The following BABAM2 variants were observed in gnomAD, a reference collection of about 807,000 sequenced individuals.
BABAM2 encodes BRISC and BRCA1-A complex member 2.
In BABAM2, 31 loss-of-function variants were observed where a neutral mutation model predicts 54.7. The ratio of observed to expected loss-of-function variants is 0.57; its 90% CI spans 0.43 to 0.77. BABAM2 has a LOEUF of 0.77. Among genes scored for constraint, BABAM2 ranks in the 30% least tolerant of loss-of-function variants. BABAM2 has a pLI of 0.00. For synonymous variants in BABAM2, 167 were observed against 162.9 expected, an observed-to-expected ratio of 1.03 and a Z score of -0.19; for missense variants, 364 against 455.8, an observed-to-expected ratio of 0.80 and a Z score of 1.83.
At chr2:28,260,314 T>C (rs1435874861) in intron 10 of BABAM2, among the ~76,000 whole-genome samples, 1 of 148,160 alleles carries the variant, frequency 6.7e-6, no homozygotes, top group African/African-American at 2.5e-5. Flanking sequence ...TTTTTTTTTT[T>C]TTTTTGACAT....
intron 7 of BABAM2, among the ~76,000 whole-genome samples, chr2:28,192,179 C>T (rs1201378789): frequency 2.0e-5 from 3 of 152,186 alleles, no homozygotes; most frequent in South Asian, 2.1e-4. Flanking sequence ...GGACCACAGG[C>T]GCCCGCCACC....
chr2:28,231,784 T>C (rs1305367885), intron 7 of BABAM2, among the ~76,000 whole-genome samples: 1 of 97,252 alleles, frequency 1.0e-5, no homozygotes, highest in East Asian at 3.3e-4. Context: ...GAGAGAGATG[T>C]CTTTTTTTTT....
At chr2:28,183,134 A>G (rs1186199352) in intron 7 of BABAM2, among the ~76,000 whole-genome samples, 1 of 152,130 alleles carries the variant, frequency 6.6e-6, no homozygotes, top group Non-Finnish European at 1.5e-5. Flanking sequence ...CATCCCTATG[A>G]ATTAGAAAAA....
At chr2:27,941,448 C>A (rs886630969) in intron 3 of BABAM2, among the ~76,000 whole-genome samples, 4 of 151,664 alleles carry the variant, frequency 2.6e-5, no homozygotes, top group African/African-American at 9.7e-5. Flanking sequence ...CCTAGCTTCT[C>A]AGGAGGCTCA....
intron 3 of BABAM2, among the ~76,000 whole-genome samples, chr2:27,973,172 T>C (rs913535778): frequency 1.3e-5 from 2 of 152,096 alleles, no homozygotes; most frequent in Admixed American, 6.6e-5. Context: ...AAAGAATACA[T>C]ATAGGAACTG....
chr2:27,934,839 T>A (rs1432042936), intron 3 of BABAM2, among the ~76,000 whole-genome samples: 2 of 152,180 alleles, frequency 1.3e-5, no homozygotes, highest in African/African-American at 4.8e-5. Context: ...AATTCTAAGA[T>A]TGAGAGAAGT....
chr2:28,327,958 C>T (rs1375087944), intron 11 of BABAM2, among the ~76,000 whole-genome samples: 1 of 152,148 alleles, frequency 6.6e-6, no homozygotes, highest in Non-Finnish European at 1.5e-5. Flanking sequence ...AAGCCCACAC[C>T]CGAGAGCCAG....
At chr2:27,944,898 A>G (rs1573230431) in intron 3 of BABAM2, among the ~76,000 whole-genome samples, 2 of 151,734 alleles carry the variant, frequency 1.3e-5, no homozygotes, top group Non-Finnish European at 2.9e-5. Context: ...TTGTTGATCC[A>G]TTAGTTTTTC....
At position 28,044,436 on chromosome 2, in the gene BABAM2, G is replaced by A. The variant is rs549298820; in HGVS notation, c.496-1289G>A. 5.3e-4 allele frequency among the ~76,000 whole-genome samples: 81 copies of A among 152,188 alleles called. No individual in the cohort carries two copies. In the South Asian group the frequency reaches 1.0e-2, roughly 19 times the overall value. On this transcript the variant is annotated intron_variant, in intron 5 of 11. Coordinates refer to ENST00000379624, the MANE Select transcript of BABAM2 (RefSeq NM_199191.3). ...AGTGGAGATGGGGTTTTACCATGTTGGCCAGGCTGGTCTCGATGTCCTGAC... is the reference window on the plus strand; with the variant it reads ...AGTGGAGATGGGGTTTTACCATGTTAGCCAGGCTGGTCTCGATGTCCTGAC...
At chr2:28,037,887 G>C (rs965977505) in intron 5 of BABAM2, among the ~76,000 whole-genome samples, 17 of 152,178 alleles carry the variant, frequency 1.1e-4, no homozygotes, top group Non-Finnish European at 2.2e-4. Context: ...TTGATACTTG[G>C]AAGAAGGGAA....
intron 2 of BABAM2, among the ~76,000 whole-genome samples, chr2:27,928,119 C>T (rs561482265): frequency 1.3e-5 from 2 of 152,246 alleles, no homozygotes; most frequent in South Asian, 4.1e-4. Flanking sequence ...TCAAGCAATT[C>T]GCCTGAGTTA....
chr2:28,148,865 G>A (rs1486182691), intron 7 of BABAM2, among the ~76,000 whole-genome samples: 1 of 152,222 alleles, frequency 6.6e-6, no homozygotes, highest in Non-Finnish European at 1.5e-5. Flanking sequence ...CAAAGTGCTT[G>A]CCTTTGTTCC....
chr2:28,036,050 C>A (rs1251140047), intron 5 of BABAM2, among the ~76,000 whole-genome samples: 1 of 152,166 alleles, frequency 6.6e-6, no homozygotes, highest in African/African-American at 2.4e-5. Context: ...TCTAATTGCG[C>A]CCCCTTACTT....
intron 6 of BABAM2, among the ~76,000 whole-genome samples, chr2:28,079,260 C>A (rs1025816931): frequency 1.3e-5 from 2 of 152,088 alleles, no homozygotes; most frequent in African/African-American, 4.8e-5. Context: ...TACACAGGCC[C>A]TTCCTTTGTA....
At chr2:28,008,890 C>T (rs1229109660) in intron 4 of BABAM2, among the ~76,000 whole-genome samples, 1 of 152,062 alleles carries the variant, frequency 6.6e-6, no homozygotes, top group Non-Finnish European at 1.5e-5. Context: ...TGTTCTTCCC[C>T]CCTGGATATG....
At chr2:28,186,536 C>T (rs1329414522) in intron 7 of BABAM2, among the ~76,000 whole-genome samples, 1 of 151,960 alleles carries the variant, frequency 6.6e-6, no homozygotes, top group African/African-American at 2.4e-5. Context: ...GAGGCTGAGG[C>T]AGGAGCATTG....
intron 3 of BABAM2, among the ~76,000 whole-genome samples, chr2:27,964,066 C>T (rs1278567346): frequency 1.3e-5 from 2 of 152,182 alleles, no homozygotes; most frequent in Non-Finnish European, 2.9e-5. Flanking sequence ...GTGATCAGAT[C>T]ATGAAGATGG....
rs10560069 is a variant in BABAM2, at chr2:28,145,208, CACAG to C, written c.680+15834_680+15837del. Among the ~76,000 whole-genome samples, 1,169 of 152,324 alleles carry C rather than the reference CACAG, an allele frequency of 7.7e-3. 12 individuals carry two copies. Among genetic ancestry groups the C allele is most frequent in the African/African-American group, 0.027 (1,126 of 41,568 alleles). Reference sequence around the variant, plus strand: ...AATGAAACAAAGGAGAAAGATGAAGCACAGACAGAAAGAGCTGGGAGGATGCCCT... The same window carrying C: ...AATGAAACAAAGGAGAAAGATGAAGCACAGAAAGAGCTGGGAGGATGCCCT... On this transcript the variant is annotated intron_variant, in intron 7 of 11. Transcript: ENST00000379624.
chr2:28,182,200 G>A (rs901501548), intron 7 of BABAM2, among the ~76,000 whole-genome samples: 6 of 152,168 alleles, frequency 3.9e-5, no homozygotes, highest in African/African-American at 1.4e-4. Context: ...CAGGCTTAAG[G>A]AGATTGTCCC....
Sources: gnomAD v4.1 joint callset for allele counts (sites outside exome capture counted in the v4.1 genomes callset) on GRCh38, gnomAD v4.1.1 for gene constraint, MANE v1.5 for transcripts, NCBI Gene and HGNC (gene_info 2026-07-23, HGNC 2026-07-21) for gene names.